The following ERGIC1 variants were observed in gnomAD, a reference collection of about 807,000 sequenced individuals.
ERGIC1 encodes the protein endoplasmic reticulum-Golgi intermediate compartment protein 1.
ERGIC1 carries 19 observed loss-of-function variants against 38.3 expected under a neutral mutation model. That is an observed-to-expected ratio of 0.50 (90% confidence interval 0.35 to 0.73). ERGIC1 has a LOEUF of 0.73. ERGIC1 is among the 30% of genes least tolerant of loss of function. ERGIC1 has a pLI of 0.01. For missense variants in ERGIC1, 294 were observed against 389.2 expected (o/e 0.76, Z 2.06); for synonymous variants, 124 against 157.6 (o/e 0.79, Z 1.60).
intron 1 of ERGIC1, among the ~76,000 whole-genome samples, chr5:172,838,988 C>T (rs1561696351): frequency 6.6e-6 from 1 of 152,212 alleles, no homozygotes; most frequent in East Asian, 1.9e-4. Flanking sequence ...TGCCTGTAAT[C>T]CCAGCACTTT....
chr5:172,881,266 A>G (rs1300165081), intron 1 of ERGIC1, among the ~76,000 whole-genome samples: 3 of 152,164 alleles, frequency 2.0e-5, no homozygotes, highest in East Asian at 3.8e-4. Flanking sequence ...AAAAAAAAAA[A>G]GTGAAACTGT....
intron 1 of ERGIC1, among the ~76,000 whole-genome samples, chr5:172,844,900 G>A (rs2113522813): frequency 6.6e-6 from 1 of 152,336 alleles, no homozygotes; most frequent in African/African-American, 2.4e-5. Flanking sequence ...CCAGGGCTAT[G>A]CTGTGACAAC....
Position 172,931,707 on chromosome 5 carries a change from G to C in ERGIC1, c.542-729G>C, listed in dbSNP as rs554662456. Among the ~76,000 whole-genome samples, 50 of 152,254 alleles carry C rather than the reference G, an allele frequency of 3.3e-4. 2 individuals are homozygous for C. The highest frequency in any genetic ancestry group is 1.1e-3 in the African/African-American group (47 of 41,534). On this transcript the variant is annotated intron_variant, in intron 7 of 9. Transcript: ENST00000393784. Reference sequence around the variant, plus strand: ...CTCCCCAGAAGCTAAAGCTGCCCGTGGTTCCTTGGGCATCTTTCCAGATAA... The same window carrying C: ...CTCCCCAGAAGCTAAAGCTGCCCGTCGTTCCTTGGGCATCTTTCCAGATAA...
At chr5:172,935,081 GGGA>G (rs1453456984) in intron 8 of ERGIC1, 104 bp from the exon 9 acceptor site, 21 of 1,535,450 alleles carry the variant, frequency 1.4e-5, no homozygotes, top group Non-Finnish European at 1.7e-5. Flanking sequence ...GGGGCAGAGA[GGGA>G]GGAAAGCCCT....
chr5:172,885,450 A>T lies in ERGIC1; in HGVS notation c.21-3249A>T, dbSNP rs151216915. On this transcript the variant is annotated intron_variant, in intron 1 of 9. Coordinates refer to ENST00000393784, the MANE Select transcript of ERGIC1 (RefSeq NM_001031711.3). ...TGTACAGCAGTTTCTGTATTTTTTTAAACTGCGAGGCCCAGTTTCTGCTTG... is the reference window on the plus strand; with the variant it reads ...TGTACAGCAGTTTCTGTATTTTTTTTAACTGCGAGGCCCAGTTTCTGCTTG... Among the ~76,000 whole-genome samples the T allele has an allele frequency of 2.6e-5, 4 of 152,176 alleles. No homozygotes were observed. The East Asian group carries it at 7.7e-4, about 29-fold the overall frequency.
intron 1 of ERGIC1, among the ~76,000 whole-genome samples, chr5:172,874,734 A>G (rs1346157209): frequency 6.6e-6 from 1 of 151,970 alleles, no homozygotes; most frequent in Non-Finnish European, 1.5e-5. Context: ...TGAGACAGCC[A>G]GGGCAACATG....
At chr5:172,857,491 C>T (rs1761579456) in intron 1 of ERGIC1, among the ~76,000 whole-genome samples, 1 of 152,146 alleles carries the variant, frequency 6.6e-6, no homozygotes, top group Non-Finnish European at 1.5e-5. Flanking sequence ...ACAGTCACAG[C>T]TCTGGCCCCA....
chr5:172,870,135 C>T (rs1347671161), intron 1 of ERGIC1, among the ~76,000 whole-genome samples: 1 of 152,214 alleles, frequency 6.6e-6, no homozygotes, highest in Non-Finnish European at 1.5e-5. Context: ...AGATTTAAGG[C>T]CAAGTTCACA....
At chr5:172,849,604 G>A (rs1208272299) in intron 1 of ERGIC1, among the ~76,000 whole-genome samples, 2 of 152,172 alleles carry the variant, frequency 1.3e-5, no homozygotes, top group Admixed American at 1.3e-4. Context: ...GGGGTTGAGA[G>A]TTGGGGGTCA....
intron 9 of ERGIC1, among the ~76,000 whole-genome samples, chr5:172,946,846 A>G (rs780511388): frequency 1.3e-5 from 2 of 149,746 alleles, no homozygotes; most frequent in Non-Finnish European, 3.0e-5. Context: ...GGCCGTGGCA[A>G]TGTGGGCCTG....
chr5:172,885,935 T>C (rs1762407094), intron 1 of ERGIC1, among the ~76,000 whole-genome samples: 1 of 152,052 alleles, frequency 6.6e-6, no homozygotes, highest in Non-Finnish European at 1.5e-5. Context: ...CCATGTAAAA[T>C]TCCACATTTT....
At chr5:172,910,113 A>C (rs1274329318) in intron 4 of ERGIC1, among the ~76,000 whole-genome samples, 1 of 152,214 alleles carries the variant, frequency 6.6e-6, no homozygotes, top group Admixed American at 6.5e-5. Context: ...GCAGTACGAC[A>C]GGATAAGCAA....
At chr5:172,876,954 T>A (rs999873791) in intron 1 of ERGIC1, among the ~76,000 whole-genome samples, 11 of 152,008 alleles carry the variant, frequency 7.2e-5, no homozygotes, top group African/African-American at 2.7e-4. Flanking sequence ...AAAAAAAAAA[T>A]TTAATGAAGC....
chr5:172,839,267 A>G (rs182688852), intron 1 of ERGIC1, among the ~76,000 whole-genome samples: 36 of 149,268 alleles, frequency 2.4e-4, no homozygotes, highest in Admixed American at 4.0e-4. Flanking sequence ...AAAAGTATAT[A>G]TATATGGGCC....
intron 9 of ERGIC1, among the ~76,000 whole-genome samples, chr5:172,939,667 G>C (rs966343913): frequency 7.9e-5 from 12 of 152,244 alleles, no homozygotes; most frequent in African/African-American, 2.9e-4. Flanking sequence ...CCACACTGCT[G>C]CAGGGAACCT....
intron 9 of ERGIC1, among the ~76,000 whole-genome samples, chr5:172,945,649 A>G (rs531832900): frequency 4.0e-4 from 61 of 151,794 alleles, no homozygotes; most frequent in Non-Finnish European, 8.5e-4. Flanking sequence ...ATGTATTTTC[A>G]GTAGAGCCGC....
intron 3 of ERGIC1, chr5:172,906,043 A>T (rs1561728348): frequency 2.2e-6 from 1 of 456,056 alleles, no homozygotes; most frequent in African/African-American, 2.0e-5. Flanking sequence ...AGGGTTAGGA[A>T]TTCTTATTTG....
intron 9 of ERGIC1, chr5:172,937,693 C>T (rs549685595): frequency 6.0e-5 from 9 of 150,886 alleles, no homozygotes; most frequent in African/African-American, 1.9e-4. Flanking sequence ...TTAAAAGACC[C>T]AGTTGAATCC....
intron 1 of ERGIC1, among the ~76,000 whole-genome samples, chr5:172,878,213 G>C (rs1460608344): frequency 6.6e-6 from 1 of 152,190 alleles, no homozygotes; most frequent in Non-Finnish European, 1.5e-5. Flanking sequence ...TCTAGGGAGA[G>C]AGCTGCAGGG....
Sources: allele counts gnomAD v4.1 joint callset (sites outside exome capture counted in the v4.1 genomes callset), GRCh38; gene constraint gnomAD v4.1.1; transcripts MANE v1.5; gene names NCBI Gene and HGNC (gene_info 2026-07-23, HGNC 2026-07-21).